Variants in NFATC2IP observed in about 807,000 individuals in gnomAD.
NFATC2IP encodes the protein NFATC2-interacting protein.
Under a neutral mutation model 40.2 loss-of-function variants are expected in NFATC2IP, and 25 were observed. The observed-to-expected ratio is 0.62, with a 90% CI of 0.45 to 0.87. NFATC2IP has a LOEUF of 0.87. Among genes scored for constraint, NFATC2IP ranks in the 40% least tolerant of loss-of-function variants. NFATC2IP has a pLI of 0.00. For synonymous variants in NFATC2IP, 241 were observed against 236.3 expected (o/e 1.02, Z -0.18); for missense variants, 553 against 555.6 (o/e 1.00, Z 0.05).
intron 5 of NFATC2IP, 44 bp downstream of exon 5, chr16:28,956,381 C>G: frequency 6.6e-7 from 1 of 1,505,620 alleles, no homozygotes; most frequent in South Asian, 1.2e-5. Context: ...GGAGCTGCTT[C>G]TGGAGAGATG....
Position 28,951,782 on chromosome 16 carries a change from G to C in NFATC2IP, c.388-350G>C, listed in dbSNP as rs1964970073. Among the ~76,000 whole-genome samples, 5 of 152,158 alleles carry C rather than the reference G, an allele frequency of 3.3e-5. No homozygotes were observed. In the South Asian group the frequency reaches 1.0e-3, roughly 32 times the overall value. The stretch of plus-strand genomic sequence containing the variant: ...GTATTGGGGGTTGGGGTCCATGCGG[G>C]TTCAGAGAGGACTGGGCGGCTCCAG... On this transcript the variant is annotated intron_variant, in intron 1 of 7. Coordinates refer to ENST00000320805, the MANE Select transcript of NFATC2IP (RefSeq NM_032815.4).
At chr16:28,962,649 A>C (rs1965099980) in intron 7 of NFATC2IP, among the ~76,000 whole-genome samples, 1 of 152,138 alleles carries the variant, frequency 6.6e-6, no homozygotes, top group African/African-American at 2.4e-5. Context: ...GCAAAAAGAT[A>C]CTTAACTCTT....
At chr16:28,955,895 G>C (rs1431968068) in intron 3 of NFATC2IP, 83 bp from the exon 4 acceptor site, 5 of 1,127,638 alleles carry the variant, frequency 4.4e-6, no homozygotes, top group Admixed American at 1.7e-5. Flanking sequence ...GACTATGCTT[G>C]ATTGTCCAAG....
intron 7 of NFATC2IP, among the ~76,000 whole-genome samples, chr16:28,960,593 A>G (rs576856995): frequency 8.5e-5 from 13 of 152,304 alleles, no homozygotes; most frequent in African/African-American, 1.7e-4. Context: ...ATTTGCTTCT[A>G]AAATACAGTG....
intron 2 of NFATC2IP, among the ~76,000 whole-genome samples, 199 bp from the exon 3 acceptor site, chr16:28,954,366 T>C (rs988882019): frequency 4.6e-5 from 7 of 152,190 alleles, no homozygotes; most frequent in Non-Finnish European, 7.3e-5. Context: ...TTTAAGTTAA[T>C]ATGAGCTATC....
chr16:28,951,304 G>A lies in NFATC2IP; in HGVS notation c.293G>A (p.Arg98Gln). The change falls in exon 1 of 8, where the codon CGG becomes CAG. Residue 98 changes from arginine (R) to glutamine (Q), a missense_variant. Arg to Gln is a conservative substitution (Grantham distance 43, BLOSUM62 1). Coordinates refer to ENST00000320805, the MANE Select transcript of NFATC2IP (RefSeq NM_032815.4). ...AGTGACAGCGAAGGGGAGGACAGGC[G>A]GCCCGCAGGACCCCCGCGGGAGCCG... ...SNSDSEGEDRRPAGPPREPVR... is the reference protein window; with the variant it reads ...SNSDSEGEDRQPAGPPREPVR... 1 of 1,423,350 alleles carries A rather than the reference G, an allele frequency of 7.0e-7. No individual in the cohort carries two copies. 88.2% of individuals were successfully genotyped at this position (1,423,350 alleles called of 1,614,324 possible).
rs988480362 is a variant in NFATC2IP at position 28,966,389 on chromosome 16, G to C, written c.*2526G>C. On this transcript the variant is annotated 3_prime_UTR_variant, in exon 8 of 8. Coordinates refer to ENST00000320805, the MANE Select transcript of NFATC2IP (RefSeq NM_032815.4). ...CTCAGGAGGCCAAGGCAGGAGGATT[G>C]CTTGAGCCCAGGAGTTTGAGACCAG... 6.7e-6 allele frequency: 1 copy of C among 149,348 alleles called. No homozygotes were observed. The highest frequency in any genetic ancestry group is 2.5e-5 in the African/African-American group (1 of 40,140). The allele number at this position is 149,348 out of a possible 1,614,324, so 9.3% of individuals were successfully genotyped here.
chr16:28,958,477 C>T (rs1487609690), intron 5 of NFATC2IP: 2 of 421,318 alleles, frequency 4.7e-6, no homozygotes, highest in Non-Finnish European at 8.5e-6. Context: ...TTCCAGTTTG[C>T]TGCAATCCCC....
rs1386979594 is a variant in NFATC2IP, at chr16:28,958,770, C to A, written c.900C>A (p.Ser300=). ...VDHMATHLGV[S]PSRILLLFGE... Reference sequence around the variant, plus strand: ...ACATGGCCACCCACCTTGGGGTGTCCCCAAGCAGGATCCTTTTGCTTTTTG... The same window carrying A: ...ACATGGCCACCCACCTTGGGGTGTCACCAAGCAGGATCCTTTTGCTTTTTG... Residue 300 remains serine (S), a synonymous_variant, in exon 6 of 8, where the codon TCC becomes TCA. Transcript: ENST00000320805. The A allele has an allele frequency of 4.3e-6, 7 of 1,613,806 alleles. No homozygotes were observed. Among genetic ancestry groups the A allele is most frequent in the Non-Finnish European group, 5.9e-6 (7 of 1,179,888 alleles).
At chr16:28,954,509 C>T (rs1313219420) in intron 2 of NFATC2IP, 56 bp from the exon 3 acceptor site, 2 of 1,201,184 alleles carry the variant, frequency 1.7e-6, no homozygotes, top group Non-Finnish European at 2.4e-6. Context: ...TTCTTCTTGG[C>T]CTTCGCTGGC....
chr16:28,958,980 G>A lies in NFATC2IP; in HGVS notation c.992-11G>A, dbSNP rs1357428601. 1.2e-6 allele frequency: 2 copies of A among 1,610,028 alleles called. No individual in the cohort carries two copies. The highest frequency in any genetic ancestry group is 1.7e-6 in the Non-Finnish European group (2 of 1,176,434). The stretch of plus-strand genomic sequence containing the variant: ...CACTTAGCCCTGGCTTCCTGATTCT[G>A]CCTCCCACAGACTGTGTGGTACTAA... On this transcript the variant is annotated splice_polypyrimidine_tract_variant and intron_variant, in intron 6 of 7. Transcript: ENST00000320805.
chr16:28,952,095 C>T lies in NFATC2IP; in HGVS notation c.388-37C>T, dbSNP rs766418444. Reference sequence around the variant, plus strand: ...ATTTTTTCTTTCGGTAGGGGAAGGACTTGGGCCTGACCCCTCTCCCTTCTT... The same window carrying T: ...ATTTTTTCTTTCGGTAGGGGAAGGATTTGGGCCTGACCCCTCTCCCTTCTT... On this transcript the variant is annotated intron_variant, in intron 1 of 7. Coordinates refer to ENST00000320805, the MANE Select transcript of NFATC2IP (RefSeq NM_032815.4). 1.9e-6 allele frequency: 3 copies of T among 1,613,018 alleles called. No homozygotes were observed. The East Asian group carries it at 6.7e-5, about 36-fold the overall frequency.
chr16:28,960,405 C>T (rs1191328878), intron 7 of NFATC2IP, among the ~76,000 whole-genome samples: 1 of 152,052 alleles, frequency 6.6e-6, no homozygotes, highest in East Asian at 1.9e-4. Context: ...AAGTCTTAAC[C>T]CATCCCAGCA....
At chr16:28,959,248 G>C in intron 7 of NFATC2IP, 148 bp downstream of exon 7, 1 of 598,126 alleles carries the variant, frequency 1.7e-6, no homozygotes, top group South Asian at 1.8e-5. Flanking sequence ...GCCATCCTAG[G>C]TAGTGGGAAA....
chr16:28,961,325 G>GA (rs138576594), intron 7 of NFATC2IP, among the ~76,000 whole-genome samples: 1,454 of 52,144 alleles, frequency 0.028, 56 homozygotes, highest in African/African-American at 0.058. Flanking sequence ...GACCCTATCT[G>GA]AAAAAAAAAA....
chr16:28,965,187 T>G lies in NFATC2IP; in HGVS notation c.*1324T>G, dbSNP rs1268059182. On this transcript the variant is annotated 3_prime_UTR_variant, in exon 8 of 8. Transcript: ENST00000320805. The stretch of plus-strand genomic sequence containing the variant: ...TTTGGGGAATTTTTTCACTTAGCCT[T>G]TCTGGTTTCCCTTCCTGTGCATTGC... The G allele has an allele frequency of 2.6e-5, 4 of 152,234 alleles. No individual in the cohort carries two copies. In the East Asian group the frequency reaches 7.7e-4, roughly 29 times the overall value. The allele number at this position is 152,234 out of a possible 1,614,324, so 9.4% of individuals were successfully genotyped here.
chr16:28,951,997 C>T, intron 1 of NFATC2IP, 135 bp from the exon 2 acceptor site: 5 of 1,132,000 alleles, frequency 4.4e-6, no homozygotes, highest in South Asian at 1.5e-5. Flanking sequence ...TTCTAGGTTG[C>T]CAGGAGAGGG....
At position 28,951,410 on chromosome 16, in the gene NFATC2IP, C is replaced by A; in HGVS notation, c.387+12C>A. On this transcript the variant is annotated intron_variant, in intron 1 of 7. Transcript: ENST00000320805. ...TGTACTCGGGGAAGGTGCGCCCGGT[C>A]CCGGGGAGGGGACCGGCGGAAGGGC... is the stretch of plus-strand genomic sequence containing the variant. 2 of 1,381,830 alleles carry A rather than the reference C, an allele frequency of 1.4e-6. No individual in the cohort carries two copies. The highest frequency in any genetic ancestry group is 3.4e-5 in the South Asian group (2 of 58,648). The allele number at this position is 1,381,830 out of a possible 1,614,324, so 85.6% of individuals were successfully genotyped here. A position where few individuals can be genotyped will look rare whatever the true frequency, so the allele number is the denominator to read the frequency against.
At chr16:28,955,926 T>C in intron 3 of NFATC2IP, 52 bp from the exon 4 acceptor site, 1 of 1,351,088 alleles carries the variant, frequency 7.4e-7, no homozygotes, top group Non-Finnish European at 1.1e-6. Flanking sequence ...CTAGGATTTG[T>C]GGGGCCAGTC....
Sources: gnomAD v4.1 joint callset for allele counts (sites outside exome capture counted in the v4.1 genomes callset) on GRCh38, gnomAD v4.1.1 for gene constraint, MANE v1.5 for transcripts, NCBI Gene and HGNC (gene_info 2026-07-23, HGNC 2026-07-21) for gene names.